The following APC2 variants were observed in gnomAD, a reference collection of about 807,000 sequenced individuals.
APC2 encodes APC regulator of Wnt signaling pathway 2.
Under a neutral mutation model 72.5 loss-of-function variants are expected in APC2, and 41 were observed. The observed-to-expected ratio is 0.57, with a 90% CI of 0.44 to 0.73. The LOEUF (loss-of-function observed/expected upper bound fraction) is 0.73, where lower values mean the gene tolerates loss of function less well. APC2 is among the 30% of genes least tolerant of loss of function. The probability of loss-of-function intolerance (pLI) is 0.00; values close to 1 mark genes in which losing one functional copy is unlikely to be tolerated. For missense variants in APC2, 3,729 were observed against 3,403.4 expected (o/e 1.10, Z -2.38); for synonymous variants, 1,898 against 1,612.0 (o/e 1.18, Z -4.25).
At position 1,467,557 on chromosome 19, in the gene APC2, C is replaced by T; in HGVS notation, c.4256C>T (p.Pro1419Leu). 1 of 1,510,200 alleles carries T rather than the reference C, an allele frequency of 6.6e-7. No homozygotes were observed. Among genetic ancestry groups the T allele is most frequent in the Non-Finnish European group, 8.8e-7 (1 of 1,135,538 alleles). The allele number at this position is 1,510,200 out of a possible 1,614,324, so 93.5% of individuals were successfully genotyped here. Reference sequence around the variant, plus strand: ...CTGCAGGGACCCCCCAGGGACCAGCCCGGGGGACCAGCGGGCAGGCAAAGA... The same window carrying T: ...CTGCAGGGACCCCCCAGGGACCAGCTCGGGGGACCAGCGGGCAGGCAAAGA... The part of the protein sequence containing the change: ...ETLQGPPRDQ[P>L]GGPAGRQRPT... Residue 1419 changes from proline (P) to leucine (L), a missense_variant, in exon 15 of 15, where the codon CCC (proline) becomes CTC (leucine). Transcript: ENST00000590469.
In APC2 at chr19:1,456,359, C is replaced by T. The variant is rs2083826479; in HGVS notation, c.771C>T (p.Val257=). Residue 257 remains valine, a synonymous_variant, in exon 8 of 15, where the codon GTC becomes GTT. Coordinates refer to ENST00000590469, the MANE Select transcript of APC2 (RefSeq NM_005883.3). The part of the protein sequence containing the change: ...VPVDEDPETE[V]PTHPEDGTPQ... ...TGGACGAGGACCCCGAGACAGAGGT[C>T]CCCACACACCCTGAGGATGGCACCC... 3 of 1,609,004 alleles carry T rather than the reference C, an allele frequency of 1.9e-6. No individual in the cohort carries two copies. Among genetic ancestry groups the T allele is most frequent in the African/African-American group, 1.3e-5 (1 of 74,790 alleles).
chr19:1,453,088 A>G lies in APC2; in HGVS notation c.87A>G (p.Leu29=). The part of the protein sequence containing the change: ...KAENSHLRQE[L]RDNSSHLSKL... Reference sequence around the variant, plus strand: ...AGAACAGCCACCTGAGGCAGGAGCTAAGGGACAACTCCAGCCACCTGTCCA... The same window carrying G: ...AGAACAGCCACCTGAGGCAGGAGCTGAGGGACAACTCCAGCCACCTGTCCA... Residue 29 remains leucine (L), a synonymous_variant, in exon 2 of 15, where the codon CTA becomes CTG. Coordinates refer to ENST00000590469, the MANE Select transcript of APC2 (RefSeq NM_005883.3). 1 of 1,609,564 alleles carries G rather than the reference A, an allele frequency of 6.2e-7. No individual in the cohort carries two copies. The highest frequency in any genetic ancestry group is 8.5e-7 in the Non-Finnish European group (1 of 1,178,894).
In APC2 at chr19:1,453,585, G is replaced by A; in HGVS notation, c.387G>A (p.Arg129=). 6.2e-7 allele frequency: 1 copy of A among 1,606,812 alleles called. No individual in the cohort carries two copies. Among genetic ancestry groups the A allele is most frequent in the Non-Finnish European group, 8.5e-7 (1 of 1,177,442 alleles). ...GGGAGCTGAGCCGGGCCACCATCCG[G>A]CTGCTGGAGGAACTGGACCGGGAAC... ...SFGELSRATI[R]LLEELDRERC... The change falls in exon 4 of 15, where the codon CGG becomes CGA. Residue 129 remains arginine (R), a synonymous_variant. Transcript: ENST00000590469.
rs375055768 is a variant in APC2, at chr19:1,462,154, C to G, written c.1830C>G (p.Leu610=). The change falls in exon 14 of 15, where the codon CTC becomes CTG. Residue 610 remains leucine, a synonymous_variant. Coordinates refer to ENST00000590469, the MANE Select transcript of APC2 (RefSeq NM_005883.3). ...GGGILRNVSS[L]VATREDYRQV... ...GCATCCTCCGCAATGTGTCCAGCCTCGTCGCCACCCGTGAGGACTACAGGT... is the reference window on the plus strand; with the variant it reads ...GCATCCTCCGCAATGTGTCCAGCCTGGTCGCCACCCGTGAGGACTACAGGT... 1.2e-6 allele frequency: 2 copies of G among 1,605,142 alleles called. No individual in the cohort carries two copies. The highest frequency in any genetic ancestry group is 1.7e-6 in the Non-Finnish European group (2 of 1,177,490).
rs778668114 is a variant in APC2, at chr19:1,453,034, G to A, written c.33G>A (p.Leu11=). 18 of 1,611,110 alleles carry A rather than the reference G, an allele frequency of 1.1e-5. No individual in the cohort carries two copies. The Admixed American group carries it at 2.5e-4, about 22-fold the overall frequency. The change falls in exon 2 of 15, where the codon CTG becomes CTA. Residue 11 remains leucine (L), a synonymous_variant. Transcript: ENST00000590469. ...GCTCCGTGGCGCCCTACGAGCAGCT[G>A]GTGAGGCAGGTGGAGGCCTTGAAGG... The part of the protein sequence containing the change: MASSVAPYEQ[L]VRQVEALKAE...
At position 1,470,580 on chromosome 19, in the gene APC2, C is replaced by T. The variant is rs1033662013; in HGVS notation, c.*367C>T. ...CCGGGTCCGGGTCTGGGTCTGGGTC[C>T]GCTGCTTCGCAGGGACAGCGCTGGG... On this transcript the variant is annotated 3_prime_UTR_variant, in exon 15 of 15. Transcript: ENST00000590469. 4.4e-5 allele frequency: 9 copies of T among 204,416 alleles called. No homozygotes were observed. Among genetic ancestry groups the T allele is most frequent in the African/African-American group, 7.0e-5 (3 of 43,006 alleles). 12.7% of individuals were successfully genotyped at this position (204,416 alleles called of 1,614,324 possible).
intron 10 of APC2, 98 bp downstream of exon 10, chr19:1,458,158 T>G (rs967761601): frequency 2.6e-5 from 30 of 1,167,890 alleles, no homozygotes; most frequent in Non-Finnish European, 3.3e-5. Flanking sequence ...CATCTGAGCT[T>G]GGGCTGGGGA....
rs1568184443 is a variant in APC2 at position 1,468,890 on chromosome 19, ACCGC to A, written c.5599_5602del (p.Arg1867SerfsTer128). The A allele has an allele frequency of 4.6e-6, 7 of 1,520,778 alleles. No individual in the cohort carries two copies. The highest frequency in any genetic ancestry group is 6.1e-6 in the Non-Finnish European group (7 of 1,141,004). The allele number at this position is 1,520,778 out of a possible 1,614,324, so 94.2% of individuals were successfully genotyped here. ...TGAGCCAGCCCCCCAGAAGCGCCAC[ACCGC>A]CCGCCCGCCTCGCCAAGACCCCCTC... is the stretch of plus-strand genomic sequence containing the variant. On this transcript the variant is annotated frameshift_variant, in exon 15 of 15. Transcript: ENST00000590469. LOFTEE classifies it low-confidence loss of function (END_TRUNC).
chr19:1,469,245 G>C lies in APC2; in HGVS notation c.5944G>C (p.Gly1982Arg). 2.1e-6 allele frequency: 3 copies of C among 1,426,222 alleles called. No homozygotes were observed. The highest frequency in any genetic ancestry group is 2.8e-6 in the Non-Finnish European group (3 of 1,088,006). 88.3% of individuals were successfully genotyped at this position (1,426,222 alleles called of 1,614,324 possible). A position where few individuals can be genotyped will look rare whatever the true frequency, so the allele number is the denominator to read the frequency against. ...GCGTGTGGCCTCAGCCCTCTCCAGCGGCAGCGAGTCCTCCGACCGCTCGGG... is the reference window on the plus strand; with the variant it reads ...GCGTGTGGCCTCAGCCCTCTCCAGCCGCAGCGAGTCCTCCGACCGCTCGGG... ...LVRVASALSS[G>R]SESSDRSGFR... The change falls in exon 15 of 15, where the codon GGC becomes CGC. Residue 1982 changes from glycine (G) to arginine (R), a missense_variant. Physicochemically the swap from Gly to Arg is moderately radical, Grantham distance 125 (BLOSUM62 -2). Transcript: ENST00000590469.
Position 1,469,358 on chromosome 19 carries a change from T to C in APC2, c.6057T>C (p.Ser2019=). Residue 2019 remains serine, a synonymous_variant, in exon 15 of 15, where the codon TCT becomes TCC. Coordinates refer to ENST00000590469, the MANE Select transcript of APC2 (RefSeq NM_005883.3). ...TGTCCTCGGCCGAGTCCGCGGCCTC[T>C]GCCCCCCAGGGCGCCTCGCCCCGCC... is the stretch of plus-strand genomic sequence containing the variant. ...SELSSAESAA[S]APQGASPRRG... is the part of the protein sequence containing the mutation. 7.6e-7 allele frequency: 1 copy of C among 1,307,362 alleles called. No homozygotes were observed. The highest frequency in any genetic ancestry group is 3.4e-5 in the Admixed American group (1 of 29,748). The allele number at this position is 1,307,362 out of a possible 1,614,324, so 81.0% of individuals were successfully genotyped here.
At position 1,455,264 on chromosome 19, in the gene APC2, C is replaced by T. The variant is rs1386625543; in HGVS notation, c.522+7C>T. 2 of 1,564,016 alleles carry T rather than the reference C, an allele frequency of 1.3e-6. No individual in the cohort carries two copies. The highest frequency in any genetic ancestry group is 2.4e-5 in the East Asian group (1 of 42,122). On this transcript the variant is annotated splice_region_variant and intron_variant, in intron 5 of 14. Transcript: ENST00000590469. ...GCTGCCGCACGTGGAGACGGTGAGC[C>T]GGCCGGGGAGCCAGGGGGCAGCGCG... is the stretch of plus-strand genomic sequence containing the variant.
chr19:1,457,148 T>C lies in APC2; in HGVS notation c.1112T>C (p.Leu371Pro), dbSNP rs1721303160. 2.5e-6 allele frequency: 4 copies of C among 1,588,132 alleles called. No individual in the cohort carries two copies. Among genetic ancestry groups the C allele is most frequent in the Admixed American group, 1.8e-5 (1 of 57,018 alleles). The change falls in exon 9 of 15, where the codon CTG (leucine) becomes CCG (proline). Residue 371 changes from leucine (L) to proline (P), a missense_variant. By Grantham distance (98) the Leu-to-Pro change is moderately conservative. Coordinates refer to ENST00000590469, the MANE Select transcript of APC2 (RefSeq NM_005883.3). ...CTGGCGCGCAAGGAGATGCGCGTCC[T>C]GCACGTGCTGGAGCAGATCCGGGCC... is the stretch of plus-strand genomic sequence containing the variant. The part of the protein sequence containing the change: ...QGLARKEMRV[L>P]HVLEQIRAYC...
rs961973114 is a variant in APC2, at chr19:1,467,956, C to A, written c.4655C>A (p.Ser1552Tyr). The change falls in exon 15 of 15, where the codon TCC becomes TAC. Residue 1552 changes from serine to tyrosine, a missense_variant. Coordinates refer to ENST00000590469, the MANE Select transcript of APC2 (RefSeq NM_005883.3). ...PQGRKEAPAP[S>Y]KAAPAAPPPA... ...GGCCGGAAGGAGGCCCCTGCCCCGTCCAAGGCTGCACCAGCTGCCCCGCCG... is the reference window on the plus strand; with the variant it reads ...GGCCGGAAGGAGGCCCCTGCCCCGTACAAGGCTGCACCAGCTGCCCCGCCG... 5.7e-6 allele frequency: 9 copies of A among 1,583,868 alleles called. No individual in the cohort carries two copies. Among genetic ancestry groups the A allele is most frequent in the Non-Finnish European group, 7.7e-6 (9 of 1,173,940 alleles).
chr19:1,460,277 G>A lies in APC2; in HGVS notation c.1400G>A (p.Gly467Asp). Reference sequence around the variant, plus strand: ...AACCTGGCGCTGCGCCGCTACGCGGGCATGACCCTCACCAACCTCACCTTT... The same window carrying A: ...AACCTGGCGCTGCGCCGCTACGCGGACATGACCCTCACCAACCTCACCTTT... ...PLNLALRRYA[G>D]MTLTNLTFGD... Residue 467 changes from glycine (G) to aspartate (D), a missense_variant, in exon 11 of 15, where the codon GGC becomes GAC. Gly to Asp is a moderately conservative substitution (Grantham distance 94). Coordinates refer to ENST00000590469, the MANE Select transcript of APC2 (RefSeq NM_005883.3). 6.2e-7 allele frequency: 1 copy of A among 1,613,536 alleles called. No individual in the cohort carries two copies. The highest frequency in any genetic ancestry group is 8.5e-7 in the Non-Finnish European group (1 of 1,180,012).
At chr19:1,453,726 C>G (rs1462697335) in intron 4 of APC2, 115 bp downstream of exon 4, 3 of 1,342,894 alleles carry the variant, frequency 2.2e-6, no homozygotes, top group Non-Finnish European at 3.0e-6. Context: ...TCACACGCCC[C>G]ACCCACTTGC....
Position 1,469,405 on chromosome 19 carries a change from C to T in APC2, c.6104C>T (p.Ala2035Val), listed in dbSNP as rs1390079222. ...SPRRGRPALPAVFLCSSRCEE... is the reference protein window; with the variant it reads ...SPRRGRPALPVVFLCSSRCEE... ...CGCCGCGGCCGGCCCGCGCTGCCCG[C>T]CGTCTTCCTCTGCTCCTCGCGCTGC... Residue 2035 changes from alanine (A) to valine (V), a missense_variant, in exon 15 of 15, where the codon GCC becomes GTC. Ala to Val is a moderately conservative substitution (Grantham distance 64). Transcript: ENST00000590469. 1.5e-5 allele frequency: 18 copies of T among 1,205,524 alleles called. No homozygotes were observed. Among genetic ancestry groups the T allele is most frequent in the Non-Finnish European group, 1.5e-5 (15 of 972,080 alleles). 74.7% of individuals were successfully genotyped at this position (1,205,524 alleles called of 1,614,324 possible). A position where few individuals can be genotyped will look rare whatever the true frequency, so the allele number is the denominator to read the frequency against.
In APC2 at chr19:1,456,029, G is replaced by C. The variant is rs889779146; in HGVS notation, c.640-47G>C. On this transcript the variant is annotated intron_variant, in intron 6 of 14. Coordinates refer to ENST00000590469, the MANE Select transcript of APC2 (RefSeq NM_005883.3). ...CCCAGGGAGAGGCGGGGTCAGAGCC[G>C]GGGGCGGGGTCAGCTCCAGCACTTG... The C allele has an allele frequency of 1.0e-5, 15 of 1,503,262 alleles. No homozygotes were observed. The South Asian group carries it at 1.5e-4, about 15-fold the overall frequency. 93.1% of individuals were successfully genotyped at this position (1,503,262 alleles called of 1,614,324 possible).
At position 1,465,615 on chromosome 19, in the gene APC2, G is replaced by A. The variant is rs756458070; in HGVS notation, c.2314G>A (p.Ala772Thr). Reference protein sequence around the residue: ...RHLDGLAQDYASDSGCFDDDD... With the variant: ...RHLDGLAQDYTSDSGCFDDDD... ...CCTGGACGGCCTGGCCCAAGACTATGCTTCCGATTCGGGCTGCTTTGACGA... is the reference window on the plus strand; with the variant it reads ...CCTGGACGGCCTGGCCCAAGACTATACTTCCGATTCGGGCTGCTTTGACGA... Residue 772 changes from alanine to threonine, a missense_variant, in exon 15 of 15, where the codon GCT becomes ACT. Physicochemically the swap from Ala to Thr is moderately conservative, Grantham distance 58. Transcript: ENST00000590469. 9.4e-6 allele frequency: 15 copies of A among 1,600,024 alleles called. No homozygotes were observed. The highest frequency in any genetic ancestry group is 8.5e-7 in the Non-Finnish European group (1 of 1,174,546).
chr19:1,459,077 G>A (rs1020430805), intron 10 of APC2, among the ~76,000 whole-genome samples: 1 of 152,052 alleles, frequency 6.6e-6, no homozygotes, highest in Non-Finnish European at 1.5e-5. Context: ...TTCTGTCTCT[G>A]TGAATCTGAT....
Sources: gnomAD v4.1 joint callset for allele counts (sites outside exome capture counted in the v4.1 genomes callset) on GRCh38, gnomAD v4.1.1 for gene constraint, MANE v1.5 for transcripts, NCBI Gene and HGNC (gene_info 2026-07-23, HGNC 2026-07-21) for gene names.